The following IDO2 variants were observed in gnomAD, a reference collection of about 807,000 sequenced individuals.
The protein encoded by IDO2 is indoleamine 2,3-dioxygenase 2.
IDO2 carries 46 observed loss-of-function variants against 45.1 expected under a neutral mutation model. The observed-to-expected ratio is 1.02, with a 90% CI of 0.80 to 1.30. IDO2 has a LOEUF of 1.30. IDO2 is among the 50% of genes most tolerant of loss of function. IDO2 has a pLI of 0.00. For synonymous variants in IDO2, 218 were observed against 184.9 expected (o/e 1.18, Z -1.45); for missense variants, 544 against 491.8 (o/e 1.11, Z -1.00).
At chr8:39,938,322 G>A (rs1807589235) in intron 1 of IDO2, among the ~76,000 whole-genome samples, 1 of 151,674 alleles carries the variant, frequency 6.6e-6, no homozygotes, top group South Asian at 2.1e-4. Context: ...ATTTTGTGAG[G>A]AAAACTATAT....
chr8:39,984,149 G>A (rs1030847293), intron 5 of IDO2, among the ~76,000 whole-genome samples: 1 of 152,148 alleles, frequency 6.6e-6, no homozygotes, highest in Non-Finnish European at 1.5e-5. Flanking sequence ...GAAGGTTGAA[G>A]GGAAAAATGA....
intron 9 of IDO2, among the ~76,000 whole-genome samples, chr8:40,009,532 A>G (rs1802279709): frequency 6.6e-6 from 1 of 152,102 alleles, no homozygotes; most frequent in Non-Finnish European, 1.5e-5. Flanking sequence ...GGCTAAAAAT[A>G]ATTGTGCCTA....
At chr8:39,956,877 TACTAAAAAG>T (rs994984636) in intron 2 of IDO2, among the ~76,000 whole-genome samples, 1 of 151,626 alleles carries the variant, frequency 6.6e-6, no homozygotes, top group Admixed American at 6.6e-5. Flanking sequence ...ACACTGTCTC[TACTAAAAAG>T]ACAAAAATCA....
intron 3 of IDO2, among the ~76,000 whole-genome samples, chr8:39,976,778 G>GT (rs1808265700): frequency 6.6e-6 from 1 of 152,164 alleles, no homozygotes; most frequent in African/African-American, 2.4e-5. Flanking sequence ...TTAAGAAAAG[G>GT]GCTGAAGGTA....
chr8:39,940,711 T>A lies in IDO2; in HGVS notation c.-18+5493T>A, dbSNP rs367900953. On this transcript the variant is annotated intron_variant, in intron 1 of 10. Coordinates refer to ENST00000502986, the Ensembl canonical transcript of IDO2. ...TATCTAACTATAATTTTGTACCCAC[T>A]AACCAACCTCTCCCTGTCCCTCCTC... 1.8e-4 allele frequency among the ~76,000 whole-genome samples: 28 copies of A among 152,178 alleles called. 1 individual carries two copies. The East Asian group carries it at 4.1e-3, about 22-fold the overall frequency.
intron 3 of IDO2, among the ~76,000 whole-genome samples, chr8:39,967,222 T>A (rs774476087): frequency 1.3e-5 from 2 of 152,078 alleles, no homozygotes; most frequent in Non-Finnish European, 2.9e-5. Flanking sequence ...TTTAATGGAA[T>A]CCCATAAGCA....
At chr8:39,989,788 G>T in exon 8 of IDO2, 8 of 1,605,086 alleles carry the variant, frequency 5.0e-6, no homozygotes, top group Non-Finnish European at 6.8e-6. Context: ...GCCCTGCAGC[G>T]ACTGAGACTG....
chr8:39,996,107 T>C (rs1585416250), intron 8 of IDO2, among the ~76,000 whole-genome samples: 1 of 149,918 alleles, frequency 6.7e-6, no homozygotes, highest in African/African-American at 2.4e-5. Flanking sequence ...AAGGCGCTCG[T>C]TACTTAGCCG....
chr8:39,969,019 A>G (rs1266747089), intron 3 of IDO2, among the ~76,000 whole-genome samples: 5 of 152,192 alleles, frequency 3.3e-5, no homozygotes, highest in Admixed American at 6.5e-5. Context: ...TGTTGTGACT[A>G]GAATCTATAA....
chr8:39,979,767 G>T (rs542665977), intron 4 of IDO2, among the ~76,000 whole-genome samples: 85 of 152,262 alleles, frequency 5.6e-4, no homozygotes, highest in South Asian at 1.5e-3. Context: ...ATGTTTGTTT[G>T]TTTGTTTTTG....
chr8:39,998,877 A>G (rs1402174967), intron 8 of IDO2, among the ~76,000 whole-genome samples: 1 of 151,980 alleles, frequency 6.6e-6, no homozygotes, highest in Non-Finnish European at 1.5e-5. Flanking sequence ...TCCTGAGCTC[A>G]GGAAATCCAC....
intron 1 of IDO2, among the ~76,000 whole-genome samples, chr8:39,944,015 C>G (rs1475428560): frequency 2.6e-5 from 4 of 152,180 alleles, no homozygotes; most frequent in Admixed American, 6.5e-5. Context: ...CATAAGGAAC[C>G]ATAAATCAAA....
intron 3 of IDO2, among the ~76,000 whole-genome samples, chr8:39,978,702 G>A (rs184392376): frequency 1.3e-5 from 2 of 152,194 alleles, no homozygotes; most frequent in Admixed American, 1.3e-4. Flanking sequence ...TGTAAAAGTT[G>A]CCATGCAAGA....
intron 6 of IDO2, chr8:39,986,116 CA>C (rs1808418617): frequency 6.6e-6 from 1 of 152,408 alleles, no homozygotes; most frequent in African/African-American, 2.4e-5. Context: ...AGGCGTGAGC[CA>C]CTGCACCCAG....
intron 8 of IDO2, chr8:39,995,218 T>TCTCCTC (rs1170784187): frequency 1.4e-5 from 1 of 73,408 alleles, no homozygotes; most frequent in Admixed American, 1.5e-4. Context: ...TCCTTCTCCT[T>TCTCCTC]CTCCTTCTCC....
intron 5 of IDO2, chr8:39,984,924 C>G (rs1045960260): frequency 7.3e-6 from 3 of 412,732 alleles, no homozygotes; most frequent in Non-Finnish European, 1.4e-5. Context: ...AGTGAAATAA[C>G]TTATTTATTT....
At chr8:39,943,493 T>A (rs1807679757) in intron 1 of IDO2, among the ~76,000 whole-genome samples, 1 of 151,840 alleles carries the variant, frequency 6.6e-6, no homozygotes, top group South Asian at 2.1e-4. Context: ...ATCCCAGCAC[T>A]CTAGGAGGCC....
intron 7 of IDO2, 137 bp downstream of exon 7, chr8:39,988,107 G>T (rs1032630897): frequency 1.7e-6 from 1 of 573,746 alleles, no homozygotes; most frequent in Non-Finnish European, 3.1e-6. Context: ...TCTGAGAGAA[G>T]AGATCTAAGC....
intron 5 of IDO2, 158 bp from the exon 6 acceptor site, chr8:39,985,350 A>T: frequency 1.6e-6 from 1 of 638,032 alleles, no homozygotes; most frequent in South Asian, 2.1e-5. Flanking sequence ...AATTCAAAGT[A>T]AGTGTGGATG....
Sources: gnomAD v4.1 joint callset for allele counts (sites outside exome capture counted in the v4.1 genomes callset) on GRCh38, gnomAD v4.1.1 for gene constraint, MANE v1.5 for transcripts, NCBI Gene and HGNC (gene_info 2026-07-23, HGNC 2026-07-21) for gene names.